ATP13A4: variants seen among roughly 807,000 people sequenced by gnomAD.
The protein encoded by ATP13A4 is probable cation-transporting ATPase 13A4.
A neutral mutation model predicts 142.5 loss-of-function variants in ATP13A4; 114 were observed. That is an observed-to-expected ratio of 0.80 (90% CI 0.69 to 0.93). The LOEUF (loss-of-function observed/expected upper bound fraction) is 0.93, where lower values mean the gene tolerates loss of function less well. ATP13A4 is among the 40% of genes least tolerant of loss of function. ATP13A4 has a pLI of 0.00. For synonymous variants in ATP13A4, 488 were observed against 514.8 expected, an observed-to-expected ratio of 0.95 and a Z score of 0.70; for missense variants, 1,392 against 1,454.0, an observed-to-expected ratio of 0.96 and a Z score of 0.69.
intron 25 of ATP13A4, among the ~76,000 whole-genome samples, chr3:193,427,804 G>C (rs1715748365): frequency 6.6e-6 from 1 of 152,124 alleles, no homozygotes. Flanking sequence ...ATGGATTAAA[G>C]ACTTAAATGT....
At position 193,407,525 on chromosome 3, in the gene ATP13A4, A is replaced by G. The variant is rs536583840; in HGVS notation, c.3298-132T>C. The G allele has an allele frequency of 2.6e-5, 15 of 576,104 alleles. No individual in the cohort carries two copies. The South Asian group carries it at 2.7e-4, about 10-fold the overall frequency. 35.7% of individuals were successfully genotyped at this position (576,104 alleles called of 1,614,324 possible). The stretch of plus-strand genomic sequence containing the variant: ...ATATATATGTGTGTATATTACATAT[A>G]TCTTATATATATAAAAAATTTCTAT... On this transcript the variant is annotated intron_variant, in intron 28 of 29. Transcript: ENST00000342695.
chr3:193,582,044 A>T (rs1046536410), intron 1 of ATP13A4: 6 of 151,380 alleles, frequency 4.0e-5, no homozygotes, highest in Middle Eastern at 3.5e-3. Flanking sequence ...TCCCTGGTGC[A>T]GATTTTCTAA....
chr3:193,516,879 C>T (rs1415207205), intron 1 of ATP13A4, among the ~76,000 whole-genome samples: 1 of 152,004 alleles, frequency 6.6e-6, no homozygotes, highest in East Asian at 1.9e-4. Context: ...TATCTTAATT[C>T]CCCATTAAGA....
intron 1 of ATP13A4, among the ~76,000 whole-genome samples, chr3:193,522,107 A>G (rs768241777): frequency 3.3e-5 from 5 of 152,170 alleles, no homozygotes; most frequent in Non-Finnish European, 5.9e-5. Context: ...CAGTCTGATT[A>G]TGGAAGTAGG....
intron 13 of ATP13A4, among the ~76,000 whole-genome samples, chr3:193,461,285 G>A (rs9856898): frequency 6.0e-4 from 91 of 152,296 alleles, no homozygotes; most frequent in African/African-American, 2.0e-3. Context: ...TTAGATGAGC[G>A]ATTACTGTGC....
chr3:193,516,072 T>C (rs1455256902), intron 1 of ATP13A4, among the ~76,000 whole-genome samples: 2 of 152,244 alleles, frequency 1.3e-5, no homozygotes, highest in African/African-American at 4.8e-5. Flanking sequence ...GAAATAGACC[T>C]GAAATTCTAT....
intron 1 of ATP13A4, among the ~76,000 whole-genome samples, chr3:193,582,249 A>G (rs1724564184): frequency 6.7e-6 from 1 of 149,334 alleles, no homozygotes; most frequent in African/African-American, 2.4e-5. Context: ...CCAGGGTTCA[A>G]ATGATTCTCC....
chr3:193,565,270 G>C (rs1422373895), intron 2 of ATP13A4, among the ~76,000 whole-genome samples: 1 of 152,104 alleles, frequency 6.6e-6, no homozygotes, highest in Non-Finnish European at 1.5e-5. Context: ...AGATCTCCTG[G>C]AGTCAATATG....
rs1714555368 is a variant in ATP13A4, at chr3:193,407,449, T to G, written c.3298-56A>C. 6 of 1,362,654 alleles carry G rather than the reference T, an allele frequency of 4.4e-6. No individual in the cohort carries two copies. The South Asian group carries it at 5.8e-5, about 13-fold the overall frequency. 84.4% of individuals were successfully genotyped at this position (1,362,654 alleles called of 1,614,324 possible). ...TGAAGACACGCAGATGCTGGAAACA[T>G]GCTCACATGTTCACAGCATATATTT... On this transcript the variant is annotated intron_variant, in intron 28 of 29. Coordinates refer to ENST00000342695, the MANE Select transcript of ATP13A4 (RefSeq NM_032279.4).
chr3:193,524,932 C>T (rs1449833577), intron 1 of ATP13A4, among the ~76,000 whole-genome samples: 1 of 152,178 alleles, frequency 6.6e-6, no homozygotes, highest in African/African-American at 2.4e-5. Context: ...CAGTCTCTAG[C>T]ACATCATCCT....
At chr3:193,466,239 T>G in intron 10 of ATP13A4, 57 bp from the exon 11 acceptor site, 97 of 1,597,722 alleles carry the variant, frequency 6.1e-5, no homozygotes, top group Non-Finnish European at 7.5e-5. Flanking sequence ...CTGCTAGCTC[T>G]TCCAAACCTC....
At chr3:193,539,941 T>A (rs1174295356) in intron 1 of ATP13A4, among the ~76,000 whole-genome samples, 1 of 143,858 alleles carries the variant, frequency 7.0e-6, no homozygotes, top group African/African-American at 2.6e-5. Flanking sequence ...TCAAAATTAA[T>A]TTTTTTCCTG....
chr3:193,436,842 C>T (rs1213823506), intron 23 of ATP13A4, among the ~76,000 whole-genome samples: 3 of 149,960 alleles, frequency 2.0e-5, no homozygotes, highest in Non-Finnish European at 2.9e-5. Context: ...CGGTGGCTCA[C>T]GCCTGTAATC....
At position 193,534,977 on chromosome 3, in the gene ATP13A4, A is replaced by G. The variant is rs548014387; in HGVS notation, c.60+19763T>C. On this transcript the variant is annotated intron_variant, in intron 1 of 29. Transcript: ENST00000342695. ...CAAAAAAAAAATGTTAAAAGCACCC[A>G]AAGAGTAATGATACCTACCTATATG... Among the ~76,000 whole-genome samples, 3 of 152,258 alleles carry G rather than the reference A, an allele frequency of 2.0e-5. No individual in the cohort carries two copies. The East Asian group carries it at 5.8e-4, about 29-fold the overall frequency.
intron 8 of ATP13A4, among the ~76,000 whole-genome samples, chr3:193,474,563 G>A (rs1331562722): frequency 6.9e-6 from 1 of 143,912 alleles, no homozygotes; most frequent in Non-Finnish European, 1.5e-5. Flanking sequence ...AGAAAAAAGA[G>A]AGAGAGAAAG....
At chr3:193,443,884 C>T (rs1445173705) in intron 18 of ATP13A4, among the ~76,000 whole-genome samples, 1 of 151,824 alleles carries the variant, frequency 6.6e-6, no homozygotes, top group African/African-American at 2.4e-5. Context: ...CAGAATAGAT[C>T]AATGGAAATT....
Position 193,538,194 on chromosome 3 carries a change from G to A in ATP13A4, c.60+16546C>T, listed in dbSNP as rs559607803. 3.9e-5 allele frequency among the ~76,000 whole-genome samples: 6 copies of A among 152,170 alleles called. No individual in the cohort carries two copies. In the East Asian group the frequency reaches 1.2e-3, roughly 29 times the overall value. On this transcript the variant is annotated intron_variant, in intron 1 of 29. Coordinates refer to ENST00000342695, the MANE Select transcript of ATP13A4 (RefSeq NM_032279.4). ...ATCTTTTTAAAGAAATAAATGAGCTGGAATAGGTATCTCCAAGTGATTTTT... is the reference window on the plus strand; with the variant it reads ...ATCTTTTTAAAGAAATAAATGAGCTAGAATAGGTATCTCCAAGTGATTTTT...
At chr3:193,586,605 A>G (rs564666381) in intron 1 of ATP13A4, among the ~76,000 whole-genome samples, 3 of 152,222 alleles carry the variant, frequency 2.0e-5, no homozygotes, top group Non-Finnish European at 2.9e-5. Context: ...TTCCAGCACC[A>G]TTCATTAAAA....
At chr3:193,471,330 A>T (rs951475073) in intron 8 of ATP13A4, among the ~76,000 whole-genome samples, 1 of 152,154 alleles carries the variant, frequency 6.6e-6, no homozygotes, top group Admixed American at 6.5e-5. Flanking sequence ...TTGGAGCCCA[A>T]TGCGGGAGAA....
Sources: gnomAD v4.1 joint callset for allele counts (sites outside exome capture counted in the v4.1 genomes callset) on GRCh38, gnomAD v4.1.1 for gene constraint, MANE v1.5 for transcripts, NCBI Gene and HGNC (gene_info 2026-07-23, HGNC 2026-07-21) for gene names.